Variants in LMLN observed in about 807,000 individuals in gnomAD.
The protein encoded by LMLN is leishmanolysin like peptidase.
LMLN carries 70 observed loss-of-function variants against 92.3 expected under a neutral mutation model. The ratio of observed to expected loss-of-function variants is 0.76; its 90% CI spans 0.63 to 0.92. LMLN has a LOEUF of 0.92. Among genes scored for constraint, LMLN ranks in the 40% least tolerant of loss-of-function variants. The pLI is 0.00. For missense variants in LMLN, 691 were observed against 814.6 expected (o/e 0.85, Z 1.85); for synonymous variants, 308 against 296.2 (o/e 1.04, Z -0.41).
At chr3:198,008,882 C>T (rs1722362747) in intron 11 of LMLN, among the ~76,000 whole-genome samples, 1 of 152,064 alleles carries the variant, frequency 6.6e-6, no homozygotes, top group Admixed American at 6.6e-5. Flanking sequence ...CTTGAGATTT[C>T]TTCTTTGACC....
At chr3:197,974,778 A>G (rs1033123301) in intron 2 of LMLN, among the ~76,000 whole-genome samples, 6 of 152,264 alleles carry the variant, frequency 3.9e-5, no homozygotes, top group Admixed American at 3.3e-4. Context: ...GGTACTCTTC[A>G]ATAAGTACTA....
At chr3:197,995,030 TG>T (rs1396194549) in intron 9 of LMLN, among the ~76,000 whole-genome samples, 3 of 152,224 alleles carry the variant, frequency 2.0e-5, no homozygotes, top group Non-Finnish European at 4.4e-5. Flanking sequence ...AGGTTGGAAC[TG>T]CTCAGGTCCA....
chr3:198,035,910 C>G, exon 15 of LMLN: 1 of 1,614,062 alleles, frequency 6.2e-7, no homozygotes, highest in South Asian at 1.1e-5. Context: ...GGCAGGTCCT[C>G]CCTGTCAGTA....
chr3:197,978,258 A>C (rs1326189367), intron 5 of LMLN, among the ~76,000 whole-genome samples: 1 of 152,216 alleles, frequency 6.6e-6, no homozygotes, highest in African/African-American at 2.4e-5. Flanking sequence ...ATTGTTGGGG[A>C]AAGTGCTTTT....
exon 16 of LMLN, chr3:198,041,890 G>A (rs1311487192): frequency 1.3e-5 from 2 of 151,984 alleles, no homozygotes; most frequent in Non-Finnish European, 2.9e-5. Context: ...TCTGAGCATG[G>A]TGCTTTTTAT....
intron 12 of LMLN, among the ~76,000 whole-genome samples, chr3:198,020,766 G>GTTTT (rs1260852398): frequency 7.8e-5 from 2 of 25,642 alleles, no homozygotes; most frequent in South Asian, 1.1e-3. Context: ...GCTAATTTTT[G>GTTTT]TATTTTTTTT....
intron 7 of LMLN, among the ~76,000 whole-genome samples, chr3:197,984,690 C>T (rs1314763207): frequency 6.6e-6 from 1 of 151,806 alleles, no homozygotes; most frequent in Non-Finnish European, 1.5e-5. Context: ...CTCAAGTGAT[C>T]CTCCTGTCTC....
chr3:197,996,566 G>A (rs1011705456), intron 10 of LMLN: 65 of 203,694 alleles, frequency 3.2e-4, no homozygotes, highest in Admixed American at 7.7e-4. Flanking sequence ...CACTATAGGT[G>A]CTTCTGCTAT....
chr3:197,970,542 C>T (rs758697797), intron 1 of LMLN, among the ~76,000 whole-genome samples: 3 of 152,156 alleles, frequency 2.0e-5, no homozygotes, highest in African/African-American at 4.8e-5. Flanking sequence ...GTGTGGTCTA[C>T]CAGGGAAGAT....
intron 11 of LMLN, among the ~76,000 whole-genome samples, chr3:198,002,533 T>G (rs1005955495): frequency 5.3e-5 from 8 of 151,672 alleles, no homozygotes; most frequent in Admixed American, 3.3e-4. Flanking sequence ...AGATCAGGAG[T>G]TTGAGACCAG....
At chr3:197,999,267 A>G (rs1199638380) in exon 11 of LMLN, 1 of 1,612,190 alleles carries the variant, frequency 6.2e-7, no homozygotes, top group Admixed American at 1.7e-5. Context: ...GATTTTCAGA[A>G]TGAAGCGATG....
At chr3:198,002,149 C>A (rs142253766) in intron 11 of LMLN, among the ~76,000 whole-genome samples, 219 of 152,156 alleles carry the variant, frequency 1.4e-3, no homozygotes, top group African/African-American at 5.0e-3. Flanking sequence ...TCTTTTTTCT[C>A]TTACTAGAAC....
intron 7 of LMLN, among the ~76,000 whole-genome samples, chr3:197,984,842 A>T (rs1406496394): frequency 2.7e-5 from 4 of 148,456 alleles, no homozygotes; most frequent in Non-Finnish European, 5.9e-5. Flanking sequence ...TGCCCTGCTA[A>T]TTTTTGTATT....
chr3:198,029,075 G>A (rs148768871), intron 14 of LMLN, among the ~76,000 whole-genome samples: 26 of 152,326 alleles, frequency 1.7e-4, no homozygotes, highest in African/African-American at 5.5e-4. Flanking sequence ...CATTTCGGCT[G>A]TGTTGCTTCC....
exon 5 of LMLN, chr3:197,976,652 C>T: frequency 6.3e-7 from 1 of 1,599,530 alleles, no homozygotes. Flanking sequence ...ACAGGTACTG[C>T]ACCGGGGAGT....
chr3:197,977,144 T>C (rs144028912), intron 5 of LMLN, among the ~76,000 whole-genome samples: 18 of 152,352 alleles, frequency 1.2e-4, no homozygotes, highest in African/African-American at 4.3e-4. Flanking sequence ...TGCAAAACTA[T>C]AAATATGCCT....
chr3:197,990,536 G>T, intron 8 of LMLN, 23 bp from the exon 9 acceptor site: 2 of 983,724 alleles, frequency 2.0e-6, no homozygotes, highest in Non-Finnish European at 3.2e-6. Flanking sequence ...AGTAATAATT[G>T]TGTTTTAATT....
At chr3:198,018,935 A>G (rs971957166) in intron 11 of LMLN, among the ~76,000 whole-genome samples, 1 of 152,204 alleles carries the variant, frequency 6.6e-6, no homozygotes, top group African/African-American at 2.4e-5. Flanking sequence ...TACTTTCAAG[A>G]TTACATTTAA....
intron 8 of LMLN, among the ~76,000 whole-genome samples, chr3:197,987,740 GA>G (rs1216046311): frequency 1.3e-5 from 2 of 152,170 alleles, no homozygotes; most frequent in Non-Finnish European, 2.9e-5. Flanking sequence ...AATTTTAATA[GA>G]AACTGCCATG....
Sources: allele counts gnomAD v4.1 joint callset (sites outside exome capture counted in the v4.1 genomes callset), GRCh38; gene constraint gnomAD v4.1.1; transcripts MANE v1.5; gene names NCBI Gene and HGNC (gene_info 2026-07-23, HGNC 2026-07-21).